The following TENM3 variants were observed in gnomAD, a reference collection of about 807,000 sequenced individuals.
TENM3 encodes teneurin-3.
In TENM3, 63 loss-of-function variants were observed where a neutral mutation model predicts 255.1. That is an observed-to-expected ratio of 0.25 (90% CI 0.20 to 0.30). The LOEUF (loss-of-function observed/expected upper bound fraction) is 0.30, where lower values mean the gene tolerates loss of function less well. Ranked by LOEUF, TENM3 falls within the 10% of genes least tolerant of loss-of-function variation. TENM3 has a pLI of 1.00. For synonymous variants in TENM3, 1,306 were observed against 1,322.3 expected, an observed-to-expected ratio of 0.99 and a Z score of 0.27; for missense variants, 2,929 against 3,461.1, an observed-to-expected ratio of 0.85 and a Z score of 3.86.
chr4:181,928,554 A>T, the TENM3 span, among the ~76,000 whole-genome samples: 10 of 152,026 alleles, frequency 6.6e-5, no homozygotes, highest in African/African-American at 2.4e-4. Context: ...CCTACGTTTG[A>T]TGGGTGTGCC....
chr4:182,046,549 AAATAATAATAAT>A, the TENM3 span, among the ~76,000 whole-genome samples: 27 of 143,112 alleles, frequency 1.9e-4, no homozygotes, highest in South Asian at 4.6e-4. Flanking sequence ...ACAAAAAACT[AAATAATAATAAT>A]AATAATAATA....
At chr4:182,244,111 G>C (rs1004526697) in intron 1 of TENM3, among the ~76,000 whole-genome samples, 5 of 149,794 alleles carry the variant, frequency 3.3e-5, no homozygotes, top group Non-Finnish European at 5.9e-5. Flanking sequence ...CCGCCACCAC[G>C]CCCGGCTAAT....
intron 1 of TENM3, among the ~76,000 whole-genome samples, chr4:182,191,075 A>G (rs569781959): frequency 6.6e-6 from 1 of 152,286 alleles, no homozygotes; most frequent in Non-Finnish European, 1.5e-5. Context: ...TTAAAAATGT[A>G]TGCTTTGAAA....
At chr4:182,097,392 T>G in the TENM3 span, among the ~76,000 whole-genome samples, 1 of 152,116 alleles carries the variant, frequency 6.6e-6, no homozygotes, top group Non-Finnish European at 1.5e-5. Context: ...TATTAGATGA[T>G]CAATGAATAT....
chr4:182,335,489 C>A (rs1291409304), intron 2 of TENM3, among the ~76,000 whole-genome samples: 1 of 68,338 alleles, frequency 1.5e-5, no homozygotes, highest in African/African-American at 5.4e-5. Flanking sequence ...AGCGAGACTC[C>A]GCCTCAAAAA....
intron 3 of TENM3, among the ~76,000 whole-genome samples, chr4:182,533,093 T>C (rs1739935490): frequency 6.6e-6 from 1 of 152,220 alleles, no homozygotes; most frequent in Non-Finnish European, 1.5e-5. Context: ...CCTCATGGCA[T>C]TGTAGCAGGT....
At chr4:182,085,076 A>ACTTTCTTT in the TENM3 span, 6 of 152,212 alleles carry the variant, frequency 3.9e-5, no homozygotes, top group African/African-American at 1.4e-4. Flanking sequence ...GCCATCCATA[A>ACTTTCTTT]AGAAAGAGGA....
At chr4:182,188,879 C>T (rs1029730406) in intron 1 of TENM3, among the ~76,000 whole-genome samples, 2 of 152,172 alleles carry the variant, frequency 1.3e-5, no homozygotes, top group African/African-American at 2.4e-5. Context: ...TTGTCACGTG[C>T]CTCTCTGTGC....
At chr4:181,862,595 A>G in the TENM3 span, among the ~76,000 whole-genome samples, 1 of 152,136 alleles carries the variant, frequency 6.6e-6, no homozygotes, top group Admixed American at 6.5e-5. Flanking sequence ...GCAAAACAAA[A>G]CATATTTTCA....
At chr4:182,530,701 G>A (rs745387268) in intron 3 of TENM3, among the ~76,000 whole-genome samples, 1 of 152,182 alleles carries the variant, frequency 6.6e-6, no homozygotes, top group Non-Finnish European at 1.5e-5. Flanking sequence ...GTTGAGAACT[G>A]CTAGCCTGGA....
At chr4:182,515,382 T>G (rs1321699873) in intron 3 of TENM3, among the ~76,000 whole-genome samples, 1 of 151,988 alleles carries the variant, frequency 6.6e-6, no homozygotes, top group African/African-American at 2.4e-5. Context: ...ATGAGAGTGA[T>G]GAACAGGTGG....
chr4:182,561,478 T>C (rs1743174865), intron 3 of TENM3, among the ~76,000 whole-genome samples: 1 of 151,936 alleles, frequency 6.6e-6, no homozygotes, highest in East Asian at 1.9e-4. Flanking sequence ...AACCAAATTT[T>C]CCCTGGGTAA....
intron 1 of TENM3, among the ~76,000 whole-genome samples, chr4:182,229,353 G>A (rs939889042): frequency 2.4e-4 from 37 of 152,176 alleles, no homozygotes; most frequent in African/African-American, 6.0e-4. Context: ...TAAAAACCCC[G>A]TAATAATTGC....
chr4:181,998,482 A>G, the TENM3 span, among the ~76,000 whole-genome samples: 3 of 152,196 alleles, frequency 2.0e-5, no homozygotes, highest in African/African-American at 7.2e-5. Flanking sequence ...GCCAGGTATC[A>G]AGACCAAACA....
At chr4:181,789,722 A>C in the TENM3 span, among the ~76,000 whole-genome samples, 3 of 152,180 alleles carry the variant, frequency 2.0e-5, no homozygotes, top group Non-Finnish European at 2.9e-5. Flanking sequence ...GCTGGAGATC[A>C]AGCTCTATAC....
the TENM3 span, among the ~76,000 whole-genome samples, chr4:181,981,758 C>T: frequency 6.6e-6 from 1 of 152,030 alleles, no homozygotes; most frequent in Admixed American, 6.6e-5. Context: ...TGGAAAAAGT[C>T]ACAAGAGACT....
chr4:182,716,107 G>A (rs750758933), intron 13 of TENM3, among the ~76,000 whole-genome samples: 38 of 152,154 alleles, frequency 2.5e-4, no homozygotes, highest in Non-Finnish European at 4.3e-4. Context: ...TCCTCTCTTC[G>A]TTACTTTCCC....
rs761082973 is a variant in TENM3 at position 182,543,417 on chromosome 4, A to G, written c.512-57507A>G. Among the ~76,000 whole-genome samples, 8 of 152,336 alleles carry G rather than the reference A, an allele frequency of 5.3e-5. No individual in the cohort carries two copies. The East Asian group carries it at 1.2e-3, about 22-fold the overall frequency. The stretch of plus-strand genomic sequence containing the variant: ...GTCATTGCTTCTATTTGGAGGTTAC[A>G]TGTATCTTCAGAAAGTTTAGCTGTA... On this transcript the variant is annotated intron_variant, in intron 3 of 27. Transcript: ENST00000511685.
chr4:181,879,763 A>C, the TENM3 span, among the ~76,000 whole-genome samples: 1 of 152,190 alleles, frequency 6.6e-6, no homozygotes, highest in Non-Finnish European at 1.5e-5. Flanking sequence ...AGAGACCCTG[A>C]ACTCTTATTC....
Sources: gnomAD v4.1 joint callset for allele counts (sites outside exome capture counted in the v4.1 genomes callset) on GRCh38, gnomAD v4.1.1 for gene constraint, MANE v1.5 for transcripts, NCBI Gene and HGNC (gene_info 2026-07-23, HGNC 2026-07-21) for gene names.